The following CHRD variants were observed in gnomAD, a reference collection of about 807,000 sequenced individuals.
The protein encoded by CHRD is chordin.
A neutral mutation model predicts 113.7 loss-of-function variants in CHRD; 69 were observed. That is an observed-to-expected ratio of 0.61 (90% CI 0.50 to 0.74). The LOEUF is 0.74. CHRD is among the 30% of genes least tolerant of loss of function. The pLI, the probability that CHRD is intolerant of heterozygous loss-of-function variation, is 0.00. For synonymous variants in CHRD, 561 were observed against 540.8 expected (o/e 1.04, Z -0.52); for missense variants, 1,194 against 1,295.8 (o/e 0.92, Z 1.21).
rs756193657 is a variant in CHRD, at chr3:184,380,393, C to A, written c.75C>A (p.Arg25=). The change falls in exon 1 of 23, where the codon CGC becomes CGA. Residue 25 remains arginine (R), a synonymous_variant. Transcript: ENST00000204604. The surrounding 1 kb of genome is among the most constrained non-coding windows in gnomAD (Gnocchi z 6.3). The stretch of plus-strand genomic sequence containing the variant: ...TGCTGCTCGGCTCCCGGCCGGCCCG[C>A]GGCGCCGGCCCAGAGCCCCCCGTGC... 17 of 1,339,980 alleles carry A rather than the reference C, an allele frequency of 1.3e-5. No homozygotes were observed. Among genetic ancestry groups the A allele is most frequent in the Middle Eastern group, 2.9e-4 (1 of 3,504 alleles). The allele number at this position is 1,339,980 out of a possible 1,614,324, so 83.0% of individuals were successfully genotyped here.
intron 6 of CHRD, 53 bp from the exon 7 acceptor site, chr3:184,382,336 G>A (rs986722105): frequency 6.2e-7 from 1 of 1,606,854 alleles, no homozygotes; most frequent in African/African-American, 1.3e-5. Context: ...CATCCTAATT[G>A]GCCTAGCCTG....
chr3:184,385,168 C>T (rs1716086203), exon 14 of CHRD: 2 of 1,614,178 alleles, frequency 1.2e-6, no homozygotes, highest in Non-Finnish European at 8.5e-7. Context: ...GGCACTGTCA[C>T]TGCCCACCTC....
chr3:184,386,356 T>C, intron 15 of CHRD, 136 bp from the exon 16 acceptor site: 1 of 1,316,628 alleles, frequency 7.6e-7, no homozygotes, highest in Non-Finnish European at 1.0e-6. Context: ...GCTGAGATGA[T>C]TGTGGAGCGA....
In CHRD at chr3:184,388,859, G is replaced by A; in HGVS notation, c.2710-34G>A. 1.9e-6 allele frequency: 3 copies of A among 1,604,808 alleles called. No homozygotes were observed. Among genetic ancestry groups the A allele is most frequent in the South Asian group, 1.1e-5 (1 of 90,902 alleles). On this transcript the variant is annotated intron_variant, in intron 21 of 22. Coordinates refer to ENST00000204604, the Ensembl canonical transcript of CHRD. The surrounding 1 kb of genome is among the most constrained non-coding windows in gnomAD (Gnocchi z 6.1). ...AGGTCACTGTGTCCCAGTGCCTCTG[G>A]GGGACACTCAGTGTCTGCTCTGTCT...
chr3:184,385,909 A>G, intron 14 of CHRD, 137 bp from the exon 15 acceptor site: 3 of 857,256 alleles, frequency 3.5e-6, no homozygotes, highest in Admixed American at 4.4e-5. Flanking sequence ...CAAGCTCCAC[A>G]CTATTGCCAA....
chr3:184,383,172 G>GGC lies in CHRD; in HGVS notation c.1213+10_1213+11insCG. ...CAGGAAGAGCTGCGACGGTGAGGCG[G>GGC]GGGGGGGGCCTGGTGCGCCGGGCAT... On this transcript the variant is annotated intron_variant, in intron 10 of 22. Transcript: ENST00000204604. 6.4e-7 allele frequency: 1 copy of GGC among 1,569,812 alleles called. No homozygotes were observed. Among genetic ancestry groups the GGC allele is most frequent in the Non-Finnish European group, 8.7e-7 (1 of 1,155,826 alleles).
At chr3:184,389,597 A>C in exon 23 of CHRD, 1 of 617,954 alleles carries the variant, frequency 1.6e-6, no homozygotes, top group Admixed American at 2.8e-5. Flanking sequence ...GGGGAGAGGC[A>C]GCTGGGCCAG....
rs1447500583 is a variant in CHRD at position 184,385,298 on chromosome 3, G to T, written c.1818+60G>T. 2.4e-6 allele frequency: 3 copies of T among 1,255,862 alleles called. No individual in the cohort carries two copies. The African/African-American group carries it at 4.4e-5, about 18-fold the overall frequency. 77.8% of individuals were successfully genotyped at this position (1,255,862 alleles called of 1,614,324 possible). ...TTTCTGTTTTTTAGCTTGAAGGGCTGTGTGGGCCTGTGTTGGGGAAAGCAG... is the reference window on the plus strand; with the variant it reads ...TTTCTGTTTTTTAGCTTGAAGGGCTTTGTGGGCCTGTGTTGGGGAAAGCAG... On this transcript the variant is annotated intron_variant, in intron 14 of 22. Transcript: ENST00000204604.
In CHRD at chr3:184,387,299, C is replaced by A; in HGVS notation, c.2348-75C>A. 6.6e-7 allele frequency: 1 copy of A among 1,514,662 alleles called. No homozygotes were observed. Among genetic ancestry groups the A allele is most frequent in the Non-Finnish European group, 9.0e-7 (1 of 1,117,172 alleles). 93.8% of individuals were successfully genotyped at this position (1,514,662 alleles called of 1,614,324 possible). On this transcript the variant is annotated intron_variant, in intron 18 of 22. Coordinates refer to ENST00000204604, the Ensembl canonical transcript of CHRD. The surrounding 1 kb of genome is among the most constrained non-coding windows in gnomAD (Gnocchi z 6.1). ...TGGCTTAGGCTCGTGTGGGGGTGGC[C>A]TGAGGCTCAAGCCTTGGTTGTGGGC...
At position 184,388,866 on chromosome 3, in the gene CHRD, C is replaced by G. The variant is rs367567055; in HGVS notation, c.2710-27C>G. 6.2e-7 allele frequency: 1 copy of G among 1,607,656 alleles called. No homozygotes were observed. Reference sequence around the variant, plus strand: ...TGTGTCCCAGTGCCTCTGGGGGACACTCAGTGTCTGCTCTGTCTTGTACCA... The same window carrying G: ...TGTGTCCCAGTGCCTCTGGGGGACAGTCAGTGTCTGCTCTGTCTTGTACCA... On this transcript the variant is annotated intron_variant, in intron 21 of 22. Transcript: ENST00000204604. The surrounding 1 kb of genome is among the most constrained non-coding windows in gnomAD (Gnocchi z 6.1).
chr3:184,383,262 G>A (rs777322189), intron 10 of CHRD, 50 bp from the exon 11 acceptor site: 3 of 1,594,822 alleles, frequency 1.9e-6, no homozygotes, highest in African/African-American at 2.7e-5. Flanking sequence ...GACTGGGGGT[G>A]TAAGCGGCCA....
Position 184,381,179 on chromosome 3 carries a change from G to A in CHRD, c.253-56G>A. The A allele has an allele frequency of 1.2e-6, 2 of 1,604,238 alleles. No homozygotes were observed. The highest frequency in any genetic ancestry group is 1.1e-5 in the South Asian group (1 of 90,944). ...CTGCGGGACATCCTTGCCTGGGGGG[G>A]TCTCATCAGTTGGCATCTTGCACTC... is the stretch of plus-strand genomic sequence containing the variant. On this transcript the variant is annotated intron_variant, in intron 2 of 22. Coordinates refer to ENST00000204604, the Ensembl canonical transcript of CHRD. The surrounding 1 kb of genome is among the most constrained non-coding windows in gnomAD (Gnocchi z 4.7).
In CHRD at chr3:184,385,588, C is replaced by T. The variant is rs148585630; in HGVS notation, c.1818+350C>T. Among the ~76,000 whole-genome samples, 1,115 of 144,566 alleles carry T rather than the reference C, an allele frequency of 7.7e-3. 12 individuals carry two copies. Among genetic ancestry groups the T allele is most frequent in the African/African-American group, 0.027 (1,034 of 38,918 alleles). 94.8% of individuals were successfully genotyped at this position (144,566 alleles called of 152,430 possible). A position where few individuals can be genotyped will look rare whatever the true frequency, so the allele number is the denominator to read the frequency against. On this transcript the variant is annotated intron_variant, in intron 14 of 22. Transcript: ENST00000204604. ...GGCTGAGGCAGGAGAATCGCTTGAA[C>T]CTGGGAGGTGGAGGTTGCAGTGAGC...
chr3:184,387,791 T>G lies in CHRD; in HGVS notation c.2452-140T>G. Reference sequence around the variant, plus strand: ...TGCAGGGTTCTGATGAGGAGCTGAGTTTAGGTCTATAAAGCCAGTCCGGGC... The same window carrying G: ...TGCAGGGTTCTGATGAGGAGCTGAGGTTAGGTCTATAAAGCCAGTCCGGGC... On this transcript the variant is annotated intron_variant, in intron 19 of 22. Coordinates refer to ENST00000204604, the Ensembl canonical transcript of CHRD. This position sits in a 1 kb window ranked among gnomAD's most constrained non-coding sequence, Gnocchi z 6.1. 1 of 750,202 alleles carries G rather than the reference T, an allele frequency of 1.3e-6. No individual in the cohort carries two copies. Among genetic ancestry groups the G allele is most frequent in the Non-Finnish European group, 2.2e-6 (1 of 446,390 alleles). The allele number at this position is 750,202 out of a possible 1,614,324, so 46.5% of individuals were successfully genotyped here. A position where few individuals can be genotyped will look rare whatever the true frequency, so the allele number is the denominator to read the frequency against.
rs61133846 is a variant in CHRD at position 184,388,387 on chromosome 3, GCATCCATCCATCCATCCATCCATC to G, written c.2555-178_2555-155del. On this transcript the variant is annotated intron_variant, in intron 20 of 22. Coordinates refer to ENST00000204604, the Ensembl canonical transcript of CHRD. This position sits in a 1 kb window ranked among gnomAD's most constrained non-coding sequence, Gnocchi z 6.1. ...TCCATCCACCCATCCACCCATTGAT[GCATCCATCCATCCATCCATCCATC>G]CATCCATCCATCCATCCATCCGTCC... Among the ~76,000 whole-genome samples, 390 of 146,104 alleles carry G rather than the reference GCATCCATCCATCCATCCATCCATC, an allele frequency of 2.7e-3. 5 individuals are homozygous for G. The highest frequency in any genetic ancestry group is 9.6e-3 in the African/African-American group (379 of 39,536).
exon 8 of CHRD, chr3:184,382,656 T>C (rs1269853310): frequency 6.2e-7 from 1 of 1,613,370 alleles, no homozygotes; most frequent in African/African-American, 1.3e-5. Context: ...CCATCCTGAC[T>C]CTAGAAGGCC....
chr3:184,382,810 A>G (rs756005969), intron 8 of CHRD, 36 bp downstream of exon 8: 14 of 1,612,898 alleles, frequency 8.7e-6, no homozygotes, highest in Non-Finnish European at 2.5e-6. Context: ...TGAGAAGGTT[A>G]GGGAGAGCAC....
Position 184,388,237 on chromosome 3 carries a change from GTCCATCCATCCA to G in CHRD, c.2554+240_2554+251del, listed in dbSNP as rs3064288. ...GTTCTGGTTCCTGCTCCATCCATCC[GTCCATCCATCCA>G]TCCATCCATCCATCCATCCATCCAT... On this transcript the variant is annotated intron_variant, in intron 20 of 22. Coordinates refer to ENST00000204604, the Ensembl canonical transcript of CHRD. This position sits in a 1 kb window ranked among gnomAD's most constrained non-coding sequence, Gnocchi z 6.1. 4.6e-4 allele frequency among the ~76,000 whole-genome samples: 64 copies of G among 138,066 alleles called. No homozygotes were observed. Among genetic ancestry groups the G allele is most frequent in the South Asian group, 2.1e-3 (9 of 4,200 alleles). 90.6% of individuals were successfully genotyped at this position (138,066 alleles called of 152,430 possible). A position where few individuals can be genotyped will look rare whatever the true frequency, so the allele number is the denominator to read the frequency against.
Position 184,381,031 on chromosome 3 carries a change from T to G in CHRD, c.253-204T>G. The G allele has an allele frequency of 1.3e-6, 1 of 751,902 alleles. No individual in the cohort carries two copies. Among genetic ancestry groups the G allele is most frequent in the Non-Finnish European group, 2.3e-6 (1 of 430,454 alleles). The allele number at this position is 751,902 out of a possible 1,614,324, so 46.6% of individuals were successfully genotyped here. On this transcript the variant is annotated intron_variant, in intron 2 of 22. Coordinates refer to ENST00000204604, the Ensembl canonical transcript of CHRD. This position sits in a 1 kb window ranked among gnomAD's most constrained non-coding sequence, Gnocchi z 4.7. The stretch of plus-strand genomic sequence containing the variant: ...TCGTTCCCTGCTCATCTAACTCTCA[T>G]GGCAGCCTTGCTAGATAGAGAGTAT...
Sources: allele counts gnomAD v4.1 joint callset (sites outside exome capture counted in the v4.1 genomes callset), GRCh38; gene constraint gnomAD v4.1.1; non-coding constraint Gnocchi (gnomAD v3.1); transcripts MANE v1.5; gene names NCBI Gene and HGNC (gene_info 2026-07-23, HGNC 2026-07-21).